The following ASH1L variants were observed in gnomAD, a reference collection of about 807,000 sequenced individuals.
ASH1L encodes ASH1 like histone lysine methyltransferase.
In ASH1L, 23 loss-of-function variants were observed where a neutral mutation model predicts 269.0. The ratio of observed to expected loss-of-function variants is 0.09; its 90% CI spans 0.06 to 0.12. The LOEUF (loss-of-function observed/expected upper bound fraction) is 0.12, where lower values mean the gene tolerates loss of function less well. Ranked by LOEUF, ASH1L falls within the 10% of genes least tolerant of loss-of-function variation. The pLI is 1.00. For synonymous variants in ASH1L, 1,187 were observed against 1,253.5 expected (o/e 0.95, Z 1.12); for missense variants, 2,912 against 3,567.8 (o/e 0.82, Z 4.68).
At position 155,556,456 on chromosome 1, in the gene ASH1L, A is replaced by T. The variant is rs889380946; in HGVS notation, c.-100+5697T>A. Among the ~76,000 whole-genome samples, 103 of 149,972 alleles carry T rather than the reference A, an allele frequency of 6.9e-4. 1 individual carries two copies. Among genetic ancestry groups the T allele is most frequent in the Middle Eastern group, 3.4e-3 (1 of 294 alleles). On this transcript the variant is annotated intron_variant, in intron 1 of 27. Coordinates refer to ENST00000392403, the MANE Select transcript of ASH1L (RefSeq NM_018489.3). Reference sequence around the variant, plus strand: ...TGTGTGTGTATGTGTATATATATATATTTTTTGAGACAGAGTTTCACTCTG... The same window carrying T: ...TGTGTGTGTATGTGTATATATATATTTTTTTTGAGACAGAGTTTCACTCTG...
intron 1 of ASH1L, among the ~76,000 whole-genome samples, chr1:155,558,847 T>C (rs1671772685): frequency 6.7e-6 from 1 of 148,346 alleles, no homozygotes; most frequent in African/African-American, 2.6e-5. Context: ...CCCCTTTTTC[T>C]TTTCTTTTTT....
intron 2 of ASH1L, among the ~76,000 whole-genome samples, chr1:155,505,778 T>G (rs960498735): frequency 6.6e-6 from 1 of 152,158 alleles, no homozygotes; most frequent in Non-Finnish European, 1.5e-5. Flanking sequence ...CTGGGCTAAC[T>G]TAAAATAGGG....
rs752949764 is a variant in ASH1L, at chr1:155,479,308, T to C, written c.3562A>G (p.Ile1188Val). 2.0e-5 allele frequency: 32 copies of C among 1,613,942 alleles called. No individual in the cohort carries two copies. The highest frequency in any genetic ancestry group is 6.6e-5 in the South Asian group (6 of 91,084). ...TSLKEATPSP[I>V]SESHSDETIP... ...GTCTCATCACTATGAGACTCACTGA[T>C]TGGGGAAGGAGTAGCTTCTTTTAGA... Residue 1188 changes from isoleucine to valine, a missense_variant, in exon 3 of 28, where the codon ATC (isoleucine) becomes GTC (valine). By Grantham distance (29) the Ile-to-Val change is conservative. Around this residue, in one of 13 missense-constraint regions of ASH1L, gnomAD observed 157 missense variants for 154.6 expected, o/e 1.02. Coordinates refer to ENST00000392403, the MANE Select transcript of ASH1L (RefSeq NM_018489.3).
intron 27 of ASH1L, 123 bp from the exon 28 acceptor site, chr1:155,337,874 C>T: frequency 9.3e-7 from 1 of 1,080,502 alleles, no homozygotes; most frequent in South Asian, 1.4e-5. Context: ...CAATTTAGCC[C>T]ATCCTCCAAC....
intron 2 of ASH1L, among the ~76,000 whole-genome samples, chr1:155,497,701 G>T (rs969890051): frequency 2.6e-5 from 4 of 151,844 alleles, no homozygotes; most frequent in African/African-American, 9.7e-5. Context: ...TTGTTAAAGG[G>T]TCAAATGTAC....
intron 1 of ASH1L, among the ~76,000 whole-genome samples, chr1:155,535,686 T>C (rs1670006181): frequency 6.6e-6 from 1 of 150,976 alleles, no homozygotes; most frequent in South Asian, 2.1e-4. Flanking sequence ...CGACACAAGA[T>C]TTTATTTAAA....
intron 6 of ASH1L, among the ~76,000 whole-genome samples, chr1:155,413,174 A>AT (rs908725947): frequency 2.3e-4 from 35 of 150,492 alleles, no homozygotes; most frequent in South Asian, 1.7e-3. Flanking sequence ...CAGAATGTTG[A>AT]TTTTTTTTTT....
intron 4 of ASH1L, among the ~76,000 whole-genome samples, chr1:155,456,062 A>G (rs2148664702): frequency 6.6e-6 from 1 of 152,042 alleles, no homozygotes; most frequent in South Asian, 2.1e-4. Flanking sequence ...CAATTACCAG[A>G]CTCCCAGCCA....
At chr1:155,509,202 G>A (rs866589985) in intron 2 of ASH1L, among the ~76,000 whole-genome samples, 5 of 152,078 alleles carry the variant, frequency 3.3e-5, no homozygotes, top group African/African-American at 4.8e-5. Context: ...CATGGTGGCC[G>A]GGTGCCATGG....
chr1:155,546,168 A>AAC (rs1670803143), intron 1 of ASH1L, among the ~76,000 whole-genome samples: 1 of 150,614 alleles, frequency 6.6e-6, no homozygotes, highest in African/African-American at 2.4e-5. Flanking sequence ...CAAAAAAAAA[A>AAC]AAAAAAACAA....
At chr1:155,517,510 T>C (rs142896803) in intron 2 of ASH1L, among the ~76,000 whole-genome samples, 1 of 151,928 alleles carries the variant, frequency 6.6e-6, no homozygotes, top group Non-Finnish European at 1.5e-5. Flanking sequence ...GCACCTGTAA[T>C]CTCAGCTACT....
intron 2 of ASH1L, among the ~76,000 whole-genome samples, chr1:155,500,675 C>T (rs1370026235): frequency 2.6e-5 from 4 of 152,106 alleles, no homozygotes; most frequent in Non-Finnish European, 4.4e-5. Flanking sequence ...CTGGTAAGAG[C>T]TGAGGAGCCT....
chr1:155,514,717 G>A (rs1331559544), intron 2 of ASH1L, among the ~76,000 whole-genome samples: 1 of 152,132 alleles, frequency 6.6e-6, no homozygotes, highest in Non-Finnish European at 1.5e-5. Context: ...TACAGCGGTG[G>A]TTCAGGAAGT....
Position 155,337,588 on chromosome 1 carries a change from C to T in ASH1L, c.*72G>A. The T allele has an allele frequency of 7.6e-7, 1 of 1,312,600 alleles. No individual in the cohort carries two copies. Among genetic ancestry groups the T allele is most frequent in the Non-Finnish European group, 1.1e-6 (1 of 909,230 alleles). The allele number at this position is 1,312,600 out of a possible 1,614,324, so 81.3% of individuals were successfully genotyped here. A position where few individuals can be genotyped will look rare whatever the true frequency, so the allele number is the denominator to read the frequency against. On this transcript the variant is annotated 3_prime_UTR_variant, in exon 28 of 28. Transcript: ENST00000392403. Reference sequence around the variant, plus strand: ...TGGACCCTTCCCACCCCTGTCTATACCCAGAGAGCAGGAGGCAGGACTGAT... The same window carrying T: ...TGGACCCTTCCCACCCCTGTCTATATCCAGAGAGCAGGAGGCAGGACTGAT...
At chr1:155,495,230 G>A (rs963116579) in intron 2 of ASH1L, among the ~76,000 whole-genome samples, 2 of 152,092 alleles carry the variant, frequency 1.3e-5, no homozygotes, top group African/African-American at 4.8e-5. Context: ...ATCAAAGTAC[G>A]GTGTGTGTTA....
Position 155,464,690 on chromosome 1 carries a change from A to C in ASH1L, c.4985-4792T>G, listed in dbSNP as rs1664547358. Among the ~76,000 whole-genome samples, 5 of 152,188 alleles carry C rather than the reference A, an allele frequency of 3.3e-5. No homozygotes were observed. The South Asian group carries it at 8.3e-4, about 25-fold the overall frequency. ...CCATAAATTGGAATAATACAGAGAA[A>C]ATTAAGAATTAAAACCAAACTTGCA... On this transcript the variant is annotated intron_variant, in intron 3 of 27. Coordinates refer to ENST00000392403, the MANE Select transcript of ASH1L (RefSeq NM_018489.3).
At chr1:155,415,973 T>C in intron 5 of ASH1L, 50 bp from the exon 6 acceptor site, 1 of 1,378,552 alleles carries the variant, frequency 7.3e-7, no homozygotes, top group Non-Finnish European at 9.6e-7. Context: ...AAAGTTTTCC[T>C]ACAAATAATT....
chr1:155,341,283 TCTC>T (rs1484429678), intron 25 of ASH1L, among the ~76,000 whole-genome samples: 1 of 151,952 alleles, frequency 6.6e-6, no homozygotes, highest in African/African-American at 2.4e-5. Context: ...TTCACGCTAT[TCTC>T]CTGCCTCAGC....
At chr1:155,492,046 T>TC (rs1362780419) in intron 2 of ASH1L, among the ~76,000 whole-genome samples, 1 of 148,488 alleles carries the variant, frequency 6.7e-6, no homozygotes, top group Non-Finnish European at 1.5e-5. Context: ...TTTTTTTTTT[T>TC]TTTTTTTGAT....
Sources: allele counts gnomAD v4.1 joint callset (sites outside exome capture counted in the v4.1 genomes callset), GRCh38; gene constraint gnomAD v4.1.1; regional missense constraint gnomAD v4.1.1; transcripts MANE v1.5; gene names NCBI Gene and HGNC (gene_info 2026-07-23, HGNC 2026-07-21).